THRB: variants seen among roughly 807,000 people sequenced by gnomAD.
The protein encoded by THRB is thyroid hormone receptor beta.
THRB carries 12 observed loss-of-function variants against 47.8 expected under a neutral mutation model. The ratio of observed to expected loss-of-function variants is 0.25; its 90% CI spans 0.16 to 0.41. The LOEUF is 0.41. THRB is among the 10% of genes least tolerant of loss of function. The probability of loss-of-function intolerance (pLI) is 1.00; values close to 1 mark genes in which losing one functional copy is unlikely to be tolerated. For synonymous variants in THRB, 218 were observed against 212.2 expected (o/e 1.03, Z -0.24); for missense variants, 348 against 589.2 (o/e 0.59, Z 4.24).
chr3:24,284,093 A>C (rs1335749844), intron 3 of THRB, among the ~76,000 whole-genome samples: 4 of 144,726 alleles, frequency 2.8e-5, no homozygotes, highest in African/African-American at 7.6e-5. Context: ...TAAAGTTCAT[A>C]TGGAACCAAA....
At chr3:24,375,138 G>C (rs111506606) in intron 1 of THRB, among the ~76,000 whole-genome samples, 2,528 of 151,648 alleles carry the variant, frequency 0.017, 67 homozygotes, top group African/African-American at 0.048. Context: ...TAAAAAAAGA[G>C]AGAGAGAAAT....
At chr3:24,413,704 C>T (rs1212360894) in intron 1 of THRB, among the ~76,000 whole-genome samples, 3 of 151,794 alleles carry the variant, frequency 2.0e-5, no homozygotes, top group African/African-American at 7.3e-5. Context: ...CCTCCTAATG[C>T]TATCCCTCCC....
At chr3:24,327,748 C>T (rs1271722701) in intron 2 of THRB, among the ~76,000 whole-genome samples, 1 of 152,090 alleles carries the variant, frequency 6.6e-6, no homozygotes, top group African/African-American at 2.4e-5. Flanking sequence ...TTTGAAGTAG[C>T]AAATAGAATG....
chr3:24,472,018 G>GT (rs765016953), intron 1 of THRB, among the ~76,000 whole-genome samples: 1 of 152,150 alleles, frequency 6.6e-6, no homozygotes, highest in Non-Finnish European at 1.5e-5. Flanking sequence ...GCTAAGAAGA[G>GT]TTTCTTTTCT....
chr3:24,389,279 C>T (rs1310603979), intron 1 of THRB, among the ~76,000 whole-genome samples: 1 of 152,112 alleles, frequency 6.6e-6, no homozygotes, highest in Admixed American at 6.6e-5. Flanking sequence ...CAATGCAGAG[C>T]AGGTCTTGGC....
At position 24,165,062 on chromosome 3, in the gene THRB, G is replaced by C. The variant is rs771006730; in HGVS notation, c.284-12572C>G. On this transcript the variant is annotated intron_variant, in intron 5 of 10. Transcript: ENST00000646209. The stretch of plus-strand genomic sequence containing the variant: ...AGAATACGATGGCGACTGCACTTGA[G>C]AAAAAGTAGGCTTTTCTTCAGTGAA... 1.3e-5 allele frequency: 10 copies of C among 762,316 alleles called. No homozygotes were observed. In the South Asian group the frequency reaches 1.3e-4, roughly 10 times the overall value. The allele number at this position is 762,316 out of a possible 1,614,324, so 47.2% of individuals were successfully genotyped here. A position where few individuals can be genotyped will look rare whatever the true frequency, so the allele number is the denominator to read the frequency against.
At chr3:24,152,332 G>T in intron 6 of THRB, 58 bp downstream of exon 6, 2 of 886,708 alleles carry the variant, frequency 2.3e-6, no homozygotes, top group South Asian at 2.6e-5. Context: ...TCTGGAAGAG[G>T]ACTGGGAGGG....
At chr3:24,351,253 AT>A (rs954618383) in intron 1 of THRB, among the ~76,000 whole-genome samples, 5 of 152,122 alleles carry the variant, frequency 3.3e-5, no homozygotes, top group Admixed American at 6.6e-5. Context: ...ACAGAGAGAA[AT>A]TTTATATCAT....
intron 3 of THRB, among the ~76,000 whole-genome samples, chr3:24,239,491 T>C (rs2049256893): frequency 6.6e-6 from 1 of 152,100 alleles, no homozygotes; most frequent in Non-Finnish European, 1.5e-5. Flanking sequence ...ATCATCATTA[T>C]TATTATTTGA....
intron 5 of THRB, among the ~76,000 whole-genome samples, chr3:24,158,721 C>G (rs1366932128): frequency 6.6e-6 from 1 of 152,218 alleles, no homozygotes; most frequent in African/African-American, 2.4e-5. Context: ...TGAGCCACTG[C>G]TCCCGGCCTG....
At chr3:24,165,088 A>G in intron 5 of THRB, 1 of 764,992 alleles carries the variant, frequency 1.3e-6, no homozygotes, top group Non-Finnish European at 2.4e-6. Context: ...CTTCAGTGAA[A>G]TATTCAGGTT....
At chr3:24,171,905 T>C (rs1370994852) in intron 5 of THRB, among the ~76,000 whole-genome samples, 1 of 152,186 alleles carries the variant, frequency 6.6e-6, no homozygotes, top group Admixed American at 6.5e-5. Context: ...CCATGGCTAC[T>C]GGGTTAATAT....
chr3:24,408,492 G>T (rs2068010201), intron 1 of THRB, among the ~76,000 whole-genome samples: 1 of 151,774 alleles, frequency 6.6e-6, no homozygotes, highest in East Asian at 1.9e-4. Context: ...TTCACACTTG[G>T]ATCCATACTT....
intron 8 of THRB, among the ~76,000 whole-genome samples, chr3:24,134,499 G>A (rs961443441): frequency 1.3e-5 from 2 of 152,048 alleles, no homozygotes; most frequent in Non-Finnish European, 2.9e-5. Flanking sequence ...ATCCTGATTC[G>A]CAGGTGAGCA....
chr3:24,256,061 C>A (rs1048550358), intron 3 of THRB, among the ~76,000 whole-genome samples: 10 of 152,106 alleles, frequency 6.6e-5, no homozygotes, highest in African/African-American at 2.4e-4. Context: ...AAACAGCGAG[C>A]TAGTGAGAGA....
chr3:24,272,588 T>G (rs1439446320), intron 3 of THRB, among the ~76,000 whole-genome samples: 1 of 152,144 alleles, frequency 6.6e-6, no homozygotes, highest in East Asian at 1.9e-4. Flanking sequence ...GGGGTACATC[T>G]TTTCCCTGGC....
chr3:24,150,285 G>A (rs1005628219), intron 6 of THRB, among the ~76,000 whole-genome samples: 2 of 152,112 alleles, frequency 1.3e-5, no homozygotes, highest in African/African-American at 4.8e-5. Flanking sequence ...AACGATATAG[G>A]AAACAATTAA....
intron 5 of THRB, among the ~76,000 whole-genome samples, chr3:24,157,293 C>A (rs1249872149): frequency 3.3e-5 from 5 of 151,908 alleles, no homozygotes; most frequent in Admixed American, 2.0e-4. Flanking sequence ...TGTTGGGGGA[C>A]AGCAGACAAT....
At chr3:24,408,844 T>A (rs2068042531) in intron 1 of THRB, among the ~76,000 whole-genome samples, 1 of 151,670 alleles carries the variant, frequency 6.6e-6, no homozygotes. Flanking sequence ...CATAAAAAAA[T>A]AAAAATGGTG....
Sources: allele counts gnomAD v4.1 joint callset (sites outside exome capture counted in the v4.1 genomes callset), GRCh38; gene constraint gnomAD v4.1.1; transcripts MANE v1.5; gene names NCBI Gene and HGNC (gene_info 2026-07-23, HGNC 2026-07-21).